Variants in ZNF366 observed in about 807,000 individuals in gnomAD.
ZNF366 encodes zinc finger protein 366.
In ZNF366, 20 loss-of-function variants were observed where a neutral mutation model predicts 47.2. The ratio of observed to expected loss-of-function variants is 0.42; its 90% CI spans 0.30 to 0.62. The LOEUF (loss-of-function observed/expected upper bound fraction) is 0.62. ZNF366 is among the 20% of genes least tolerant of loss of function. ZNF366 has a pLI of 0.16. For synonymous variants in ZNF366, 421 were observed against 395.1 expected (o/e 1.07, Z -0.78); for missense variants, 987 against 976.3 (o/e 1.01, Z -0.15).
rs781499676 is a variant in ZNF366 at position 72,447,429 on chromosome 5, G to A, written c.1525-12C>T. The A allele has an allele frequency of 3.1e-6, 5 of 1,613,786 alleles. No individual in the cohort carries two copies. The African/African-American group carries it at 4.0e-5, about 13-fold the overall frequency. ...TCCTTCCCACAAAGCTGTTGAAGAT[G>A]GGGATGAGAACACAGGTTACTCTGC... is the stretch of plus-strand genomic sequence containing the variant. On this transcript the variant is annotated splice_polypyrimidine_tract_variant and intron_variant, in intron 3 of 4. Transcript: ENST00000318442.
chr5:72,501,095 T>A (rs544332486), intron 1 of ZNF366, among the ~76,000 whole-genome samples: 1 of 152,344 alleles, frequency 6.6e-6, no homozygotes, highest in South Asian at 2.1e-4. Flanking sequence ...ATAAGGCACG[T>A]ACTTGAGAAT....
At chr5:72,503,530 TACACACACAC>T (rs34375286) in intron 1 of ZNF366, among the ~76,000 whole-genome samples, 6 of 148,736 alleles carry the variant, frequency 4.0e-5, no homozygotes, top group African/African-American at 7.4e-5. Flanking sequence ...TGAATTCTAA[TACACACACAC>T]ACACACACAC....
chr5:72,491,610 T>A (rs1744011297), intron 1 of ZNF366, among the ~76,000 whole-genome samples: 1 of 152,156 alleles, frequency 6.6e-6, no homozygotes, highest in Non-Finnish European at 1.5e-5. Context: ...CTGGTTATTA[T>A]AAGATTTCAT....
chr5:72,488,348 T>C (rs1230576436), intron 1 of ZNF366, among the ~76,000 whole-genome samples: 1 of 152,088 alleles, frequency 6.6e-6, no homozygotes, highest in Non-Finnish European at 1.5e-5. Context: ...TGAACAAAGA[T>C]TTTTTTTCCT....
At chr5:72,480,453 C>A (rs1743769820) in intron 1 of ZNF366, among the ~76,000 whole-genome samples, 1 of 152,032 alleles carries the variant, frequency 6.6e-6, no homozygotes, top group East Asian at 1.9e-4. Context: ...CAATCAATAT[C>A]CCTCCCTTCC....
At chr5:72,457,299 A>G (rs1033418919) in intron 2 of ZNF366, among the ~76,000 whole-genome samples, 1 of 152,130 alleles carries the variant, frequency 6.6e-6, no homozygotes. Context: ...GTGTGTTTGA[A>G]CCAAGGCCCT....
intron 3 of ZNF366, among the ~76,000 whole-genome samples, chr5:72,450,956 T>C (rs576842337): frequency 7.9e-5 from 12 of 152,232 alleles, no homozygotes; most frequent in Admixed American, 7.8e-4. Context: ...ATTGTCACAC[T>C]AGGGGATGGG....
chr5:72,470,580 G>A lies in ZNF366; in HGVS notation c.-14-9070C>T, dbSNP rs187040363. Reference sequence around the variant, plus strand: ...TGTCCTATATTTCTAACATAGTTTGGTTAGAAAGTCAGAAACTTGCCTGGT... The same window carrying A: ...TGTCCTATATTTCTAACATAGTTTGATTAGAAAGTCAGAAACTTGCCTGGT... On this transcript the variant is annotated intron_variant, in intron 1 of 4. Coordinates refer to ENST00000318442, the MANE Select transcript of ZNF366 (RefSeq NM_152625.3). 3.9e-5 allele frequency among the ~76,000 whole-genome samples: 6 copies of A among 152,158 alleles called. No homozygotes were observed. The East Asian group carries it at 1.2e-3, about 29-fold the overall frequency.
At chr5:72,496,663 G>A (rs971203056) in intron 1 of ZNF366, among the ~76,000 whole-genome samples, 3 of 152,170 alleles carry the variant, frequency 2.0e-5, no homozygotes, top group African/African-American at 4.8e-5. Context: ...GGAGTAAAAT[G>A]GCTGGGTTGT....
At chr5:72,451,939 A>C (rs1036720740) in intron 3 of ZNF366, among the ~76,000 whole-genome samples, 1 of 152,136 alleles carries the variant, frequency 6.6e-6, no homozygotes, top group Non-Finnish European at 1.5e-5. Flanking sequence ...GCCTGGAGGC[A>C]CCTCAGGCAC....
At chr5:72,468,351 C>T (rs1743476737) in intron 1 of ZNF366, among the ~76,000 whole-genome samples, 1 of 152,208 alleles carries the variant, frequency 6.6e-6, no homozygotes, top group Non-Finnish European at 1.5e-5. Context: ...AACCCCAATT[C>T]CTCCCATTTT....
chr5:72,492,827 T>A (rs1744039313), intron 1 of ZNF366, among the ~76,000 whole-genome samples: 1 of 152,232 alleles, frequency 6.6e-6, no homozygotes, highest in African/African-American at 2.4e-5. Flanking sequence ...GAGGGTCTAA[T>A]GGCCTTATTT....
At chr5:72,468,672 T>C (rs1285415044) in intron 1 of ZNF366, among the ~76,000 whole-genome samples, 1 of 152,228 alleles carries the variant, frequency 6.6e-6, no homozygotes. Context: ...TTAAAATGGA[T>C]GTGGGTTTCA....
chr5:72,446,157 C>T (rs557767961), intron 4 of ZNF366, among the ~76,000 whole-genome samples: 1 of 152,344 alleles, frequency 6.6e-6, no homozygotes, highest in East Asian at 1.9e-4. Context: ...GCTGGAATCC[C>T]AGTTCTGTCT....
At chr5:72,474,415 A>C (rs373588493) in intron 1 of ZNF366, among the ~76,000 whole-genome samples, 123 of 152,332 alleles carry the variant, frequency 8.1e-4, no homozygotes, top group South Asian at 7.0e-3. Flanking sequence ...TGAGGGTTTA[A>C]GTATTCTTCC....
intron 1 of ZNF366, among the ~76,000 whole-genome samples, chr5:72,494,782 G>C (rs1245760516): frequency 6.6e-6 from 1 of 151,966 alleles, no homozygotes; most frequent in Non-Finnish European, 1.5e-5. Context: ...TGTTTGGTTT[G>C]GTTTCGTTTG....
At position 72,460,359 on chromosome 5, in the gene ZNF366, G is replaced by A. The variant is rs990541627; in HGVS notation, c.1138C>T (p.Leu380=). ...CGGTGCGTGGTGAGGTGTCTCTTCAGCTGGGCCAAGGTGGGGAAGTCGAGG... is the reference window on the plus strand; with the variant it reads ...CGGTGCGTGGTGAGGTGTCTCTTCAACTGGGCCAAGGTGGGGAAGTCGAGG... ...CGLDFPTLAQ[L]KRHLTTHRGP... is the part of the protein sequence containing the mutation. The change falls in exon 2 of 5, where the codon CTG becomes TTG. Residue 380 remains leucine, a synonymous_variant. Transcript: ENST00000318442. 3 of 1,614,124 alleles carry A rather than the reference G, an allele frequency of 1.9e-6. No individual in the cohort carries two copies. The highest frequency in any genetic ancestry group is 2.7e-5 in the African/African-American group (2 of 74,950).
At chr5:72,466,751 C>G (rs141378538) in intron 1 of ZNF366, among the ~76,000 whole-genome samples, 1 of 152,170 alleles carries the variant, frequency 6.6e-6, no homozygotes, top group African/African-American at 2.4e-5. Context: ...CGATATTTCC[C>G]TAATGAAATC....
Position 72,480,697 on chromosome 5 carries a change from A to G in ZNF366, c.-14-19187T>C, listed in dbSNP as rs570274193. The stretch of plus-strand genomic sequence containing the variant: ...TGCATAAAAAAATAATGGAGTGAAT[A>G]AATAAAACATCTTTCTACTGAAGGT... On this transcript the variant is annotated intron_variant, in intron 1 of 4. Transcript: ENST00000318442. 1.7e-3 allele frequency among the ~76,000 whole-genome samples: 261 copies of G among 152,374 alleles called. 1 individual carries two copies. The highest frequency in any genetic ancestry group is 5.6e-3 in the African/African-American group (234 of 41,590).
Sources: gnomAD v4.1 joint callset for allele counts (sites outside exome capture counted in the v4.1 genomes callset) on GRCh38, gnomAD v4.1.1 for gene constraint, MANE v1.5 for transcripts, NCBI Gene and HGNC (gene_info 2026-07-23, HGNC 2026-07-21) for gene names.